STX18: variants seen among roughly 807,000 people sequenced by gnomAD.
The protein encoded by STX18 is syntaxin-18.
STX18 carries 40 observed loss-of-function variants against 50.1 expected under a neutral mutation model. The observed-to-expected ratio is 0.80, with a 90% CI of 0.62 to 1.04. The LOEUF (loss-of-function observed/expected upper bound fraction) is 1.04, where lower values mean the gene tolerates loss of function less well. STX18 is among the 50% of genes least tolerant of loss of function. The pLI, the probability that STX18 is intolerant of heterozygous loss-of-function variation, is 0.00. For synonymous variants in STX18, 158 were observed against 151.8 expected (o/e 1.04, Z -0.30); for missense variants, 410 against 415.8 (o/e 0.99, Z 0.12).
At chr4:4,427,414 C>T (rs1725303703) in intron 7 of STX18, among the ~76,000 whole-genome samples, 1 of 152,188 alleles carries the variant, frequency 6.6e-6, no homozygotes, top group South Asian at 2.1e-4. Context: ...TTGAAAGTAT[C>T]CGCTCTGTTA....
intron 1 of STX18, among the ~76,000 whole-genome samples, chr4:4,516,968 G>A (rs900053349): frequency 1.1e-4 from 17 of 152,086 alleles, no homozygotes; most frequent in African/African-American, 4.1e-4. Flanking sequence ...ATGCAATAGC[G>A]CTATACACAA....
intron 1 of STX18, among the ~76,000 whole-genome samples, chr4:4,540,756 T>C (rs1275820617): frequency 6.6e-6 from 1 of 152,184 alleles, no homozygotes; most frequent in Non-Finnish European, 1.5e-5. Flanking sequence ...CCAATCCCCT[T>C]TCTAATGTTT....
chr4:4,434,633 A>G, intron 7 of STX18, 137 bp downstream of exon 7: 2 of 658,482 alleles, frequency 3.0e-6, no homozygotes, highest in South Asian at 4.3e-5. Flanking sequence ...GGGAAAGTGT[A>G]TATAAAATAC....
chr4:4,450,939 A>G (rs1007634343), intron 5 of STX18, among the ~76,000 whole-genome samples: 6 of 152,212 alleles, frequency 3.9e-5, no homozygotes, highest in Admixed American at 1.3e-4. Context: ...AAAGGAATTA[A>G]AGACTACAGT....
At chr4:4,469,383 G>C (rs1473120106) in intron 2 of STX18, among the ~76,000 whole-genome samples, 1 of 152,162 alleles carries the variant, frequency 6.6e-6, no homozygotes, top group Non-Finnish European at 1.5e-5. Context: ...GCTGATCCCT[G>C]ATTAGACTTT....
intron 1 of STX18, among the ~76,000 whole-genome samples, chr4:4,518,285 T>C (rs973285001): frequency 6.6e-5 from 10 of 152,214 alleles, no homozygotes; most frequent in African/African-American, 2.4e-4. Flanking sequence ...CAGAGAACCA[T>C]GTAAATGTTG....
At chr4:4,519,511 C>G (rs886467105) in intron 1 of STX18, among the ~76,000 whole-genome samples, 1 of 152,108 alleles carries the variant, frequency 6.6e-6, no homozygotes, top group African/African-American at 2.4e-5. Flanking sequence ...CTTCCATTCC[C>G]GAGTCAGTTA....
rs536294491 is a variant in STX18, at chr4:4,484,301, T to C, written c.169-12595A>G. ...CAATACTCTCTGTGTCAGCAGAAAG[T>C]GCAGAGGAAAACAGAACCATTGCTT... On this transcript the variant is annotated intron_variant, in intron 1 of 10. Coordinates refer to ENST00000306200, the MANE Select transcript of STX18 (RefSeq NM_016930.4). Among the ~76,000 whole-genome samples the C allele has an allele frequency of 2.0e-5, 3 of 152,354 alleles. No homozygotes were observed. The South Asian group carries it at 6.2e-4, about 32-fold the overall frequency.
chr4:4,472,731 C>G (rs1727984315), intron 1 of STX18, among the ~76,000 whole-genome samples: 1 of 152,212 alleles, frequency 6.6e-6, no homozygotes, highest in African/African-American at 2.4e-5. Context: ...GCCCATCTTT[C>G]CCTACAGTTG....
intron 2 of STX18, among the ~76,000 whole-genome samples, chr4:4,465,728 A>C (rs1484019861): frequency 1.3e-5 from 2 of 152,238 alleles, no homozygotes; most frequent in Admixed American, 1.3e-4. Flanking sequence ...TTACCTATGT[A>C]ACAAACCTGC....
intron 2 of STX18, among the ~76,000 whole-genome samples, chr4:4,467,412 C>G (rs183303295): frequency 1.6e-3 from 244 of 152,202 alleles, no homozygotes; most frequent in South Asian, 3.5e-3. Context: ...AGATCTCGTT[C>G]GCTGTCATAA....
intron 7 of STX18, among the ~76,000 whole-genome samples, chr4:4,427,004 T>C (rs73793296): frequency 0.13 from 20,369 of 152,164 alleles, 3,331 homozygotes; most frequent in African/African-American, 0.39. Flanking sequence ...CTGAATCACC[T>C]TCTCTTACTT....
In STX18 at chr4:4,513,952, G is replaced by A. The variant is rs370747505; in HGVS notation, c.168+27845C>T. ...TGATAAAGACACTGACGTCCTTAGC[G>A]GGGGTAAGGACATGTAATTACGTTA... On this transcript the variant is annotated intron_variant, in intron 1 of 10. Transcript: ENST00000306200. Among the ~76,000 whole-genome samples, 60 of 152,236 alleles carry A rather than the reference G, an allele frequency of 3.9e-4. No homozygotes were observed. In the South Asian group the frequency reaches 7.5e-3, roughly 19 times the overall value.
Position 4,420,663 on chromosome 4 carries a change from G to C in STX18, c.912+201C>G. On this transcript the variant is annotated intron_variant, in intron 10 of 10. Transcript: ENST00000306200. This position sits in a 1 kb window ranked among gnomAD's most constrained non-coding sequence, Gnocchi z 4.3. ...CTCCTTTGGAGGCTGGTGAGCCACT[G>C]CCTCTCGAAAGCAGCTGGAGGTGGG... 1 of 575,904 alleles carries C rather than the reference G, an allele frequency of 1.7e-6. No homozygotes were observed. The highest frequency in any genetic ancestry group is 3.1e-6 in the Non-Finnish European group (1 of 325,474). 35.7% of individuals were successfully genotyped at this position (575,904 alleles called of 1,614,324 possible).
chr4:4,493,848 T>C (rs995652766), intron 1 of STX18, among the ~76,000 whole-genome samples: 3 of 152,240 alleles, frequency 2.0e-5, no homozygotes, highest in African/African-American at 7.2e-5. Context: ...TTTAACCTTA[T>C]ACATGCAAGA....
intron 5 of STX18, among the ~76,000 whole-genome samples, chr4:4,453,002 G>A (rs1726847630): frequency 6.6e-6 from 1 of 152,180 alleles, no homozygotes; most frequent in Non-Finnish European, 1.5e-5. Context: ...AGATGCGGCT[G>A]AGCTGCTGCA....
chr4:4,485,633 G>A lies in STX18; in HGVS notation c.169-13927C>T, dbSNP rs189980721. On this transcript the variant is annotated intron_variant, in intron 1 of 10. Coordinates refer to ENST00000306200, the MANE Select transcript of STX18 (RefSeq NM_016930.4). ...AGGGAACAAAACCAATGATGGGAAC[G>A]GCAGATTCGCAAGCCCCATCTCACC... is the stretch of plus-strand genomic sequence containing the variant. Among the ~76,000 whole-genome samples, 16 of 152,174 alleles carry A rather than the reference G, an allele frequency of 1.1e-4. No individual in the cohort carries two copies. The East Asian group carries it at 2.1e-3, about 20-fold the overall frequency.
At chr4:4,504,811 G>C (rs1421380862) in intron 1 of STX18, among the ~76,000 whole-genome samples, 3 of 151,916 alleles carry the variant, frequency 2.0e-5, no homozygotes, top group Non-Finnish European at 2.9e-5. Flanking sequence ...ACCAAGTGTT[G>C]GTGAGAATGT....
chr4:4,481,774 TC>T (rs1261863528), intron 1 of STX18: 3 of 152,244 alleles, frequency 2.0e-5, no homozygotes, highest in Non-Finnish European at 2.9e-5. Flanking sequence ...CTGAGTCCTA[TC>T]CCTGTGCAAA....
Sources: gnomAD v4.1 joint callset for allele counts (sites outside exome capture counted in the v4.1 genomes callset) on GRCh38, gnomAD v4.1.1 for gene constraint, Gnocchi (gnomAD v3.1) non-coding constraint, MANE v1.5 for transcripts, NCBI Gene and HGNC (gene_info 2026-07-23, HGNC 2026-07-21) for gene names.